The following DPP6 variants were observed in gnomAD, a reference collection of about 807,000 sequenced individuals.
The protein encoded by DPP6 is dipeptidyl peptidase like 6.
A neutral mutation model predicts 122.6 loss-of-function variants in DPP6; 69 were observed. The observed-to-expected ratio is 0.56, with a 90% CI of 0.46 to 0.69. The LOEUF is 0.69. DPP6 is among the 30% of genes least tolerant of loss of function. The pLI is 0.00. For missense variants in DPP6, 928 were observed against 1,116.9 expected (o/e 0.83, Z 2.41); for synonymous variants, 418 against 433.1 (o/e 0.97, Z 0.43).
intron 1 of DPP6, among the ~76,000 whole-genome samples, chr7:154,395,969 A>G (rs551430320): frequency 1.3e-5 from 2 of 150,956 alleles, no homozygotes; most frequent in South Asian, 4.2e-4. Flanking sequence ...TTAATCATAA[A>G]GCGCTGTTGA....
At chr7:154,880,663 TAC>T (rs1381153189) in intron 20 of DPP6, among the ~76,000 whole-genome samples, 1 of 152,216 alleles carries the variant, frequency 6.6e-6, no homozygotes, top group Non-Finnish European at 1.5e-5. Context: ...CTGGAAGTGC[TAC>T]AGAGTTATTG....
intron 1 of DPP6, among the ~76,000 whole-genome samples, chr7:154,235,911 G>A (rs976584154): frequency 1.4e-4 from 21 of 152,120 alleles, no homozygotes; most frequent in African/African-American, 5.1e-4. Flanking sequence ...GGAGTGCGGT[G>A]GTGCAATCTT....
intron 8 of DPP6, among the ~76,000 whole-genome samples, chr7:154,758,103 A>G (rs1304027434): frequency 2.6e-5 from 4 of 152,206 alleles, no homozygotes; most frequent in Admixed American, 2.6e-4. Context: ...TCTTGCAGAC[A>G]TGTTCTTGCC....
At chr7:154,885,493 AACTTTCCAAGTGACAC>A in intron 21 of DPP6, 124 bp from the exon 22 acceptor site, 1 of 1,239,662 alleles carries the variant, frequency 8.1e-7, no homozygotes, top group Non-Finnish European at 1.1e-6. Context: ...CCCCGTGAAC[AACTTTCCAAGTGACAC>A]ATTTTGTAAA....
At chr7:154,580,447 A>T (rs1409438925) in intron 5 of DPP6, among the ~76,000 whole-genome samples, 1 of 152,166 alleles carries the variant, frequency 6.6e-6, no homozygotes, top group Non-Finnish European at 1.5e-5. Flanking sequence ...ATTCCAACAG[A>T]CAAAGACGTG....
At chr7:154,857,568 C>T (rs1802946819) in intron 17 of DPP6, among the ~76,000 whole-genome samples, 1 of 152,214 alleles carries the variant, frequency 6.6e-6, no homozygotes, top group South Asian at 2.1e-4. Context: ...CTTCACAGCC[C>T]ATCTCCAACC....
intron 1 of DPP6, among the ~76,000 whole-genome samples, chr7:153,913,418 C>T (rs1800171864): frequency 6.6e-6 from 1 of 152,196 alleles, no homozygotes; most frequent in African/African-American, 2.4e-5. Context: ...TAAAATCACT[C>T]TTACAACAGA....
At chr7:154,206,528 G>A (rs577987302) in intron 1 of DPP6, among the ~76,000 whole-genome samples, 82 of 152,288 alleles carry the variant, frequency 5.4e-4, no homozygotes, top group Middle Eastern at 3.4e-3. Context: ...CTCTCCCAAC[G>A]TGTCCAAGCC....
At chr7:154,297,298 T>C (rs117732377) in intron 1 of DPP6, among the ~76,000 whole-genome samples, 208 of 152,314 alleles carry the variant, frequency 1.4e-3, no homozygotes, top group Middle Eastern at 0.014. Context: ...ACCTCTCCTG[T>C]TGTGGTACAT....
chr7:154,622,623 G>A (rs150817493), intron 5 of DPP6, among the ~76,000 whole-genome samples: 11 of 152,242 alleles, frequency 7.2e-5, no homozygotes, highest in Non-Finnish European at 8.8e-5. Context: ...AAACATCCCC[G>A]TCTCTTCCTA....
intron 1 of DPP6, among the ~76,000 whole-genome samples, chr7:154,350,232 G>T (rs1810734545): frequency 6.6e-6 from 1 of 152,154 alleles, no homozygotes; most frequent in Non-Finnish European, 1.5e-5. Context: ...GGAGAAGGAA[G>T]CAGGAACAGG....
intron 1 of DPP6, among the ~76,000 whole-genome samples, chr7:154,396,452 T>C (rs1815093686): frequency 6.6e-6 from 1 of 152,194 alleles, no homozygotes; most frequent in South Asian, 2.1e-4. Flanking sequence ...GGGAAATAAG[T>C]ATAATGATCC....
chr7:154,053,876 T>G (rs946944727), intron 1 of DPP6, among the ~76,000 whole-genome samples: 25 of 147,242 alleles, frequency 1.7e-4, no homozygotes, highest in Non-Finnish European at 3.4e-4. Flanking sequence ...CAATGACTCA[T>G]GCAGGACAGG....
At chr7:154,013,628 G>T (rs1441952797) in intron 1 of DPP6, among the ~76,000 whole-genome samples, 2 of 151,596 alleles carry the variant, frequency 1.3e-5, no homozygotes, top group Non-Finnish European at 2.9e-5. Flanking sequence ...TACTTTATGT[G>T]GACAAACCTT....
rs199921550 is a variant in DPP6 at position 154,170,395 on chromosome 7, A to G, written c.243+117332A>G. Among the ~76,000 whole-genome samples, 3 of 152,300 alleles carry G rather than the reference A, an allele frequency of 2.0e-5. No individual in the cohort carries two copies. In the East Asian group the frequency reaches 5.8e-4, roughly 29 times the overall value. On this transcript the variant is annotated intron_variant, in intron 1 of 25. Coordinates refer to ENST00000377770, the MANE Select transcript of DPP6 (RefSeq NM_130797.4). ...TTCCCTCTCCACCTGCACCTTGGAC[A>G]TGATGATTGACACTGTGACTTGCTT... is the stretch of plus-strand genomic sequence containing the variant.
chr7:154,362,987 A>G (rs1207722111), intron 1 of DPP6, among the ~76,000 whole-genome samples: 2 of 152,176 alleles, frequency 1.3e-5, no homozygotes, highest in East Asian at 3.9e-4. Flanking sequence ...GGATTCCCAC[A>G]TGAAAGGCTG....
chr7:154,013,652 C>A (rs570911984), intron 1 of DPP6, among the ~76,000 whole-genome samples: 1 of 151,790 alleles, frequency 6.6e-6, no homozygotes, highest in African/African-American at 2.4e-5. Flanking sequence ...AGGCTGGCCT[C>A]TCTGTAGAAG....
At chr7:154,143,627 C>G (rs1396631491) in intron 1 of DPP6, among the ~76,000 whole-genome samples, 1 of 152,156 alleles carries the variant, frequency 6.6e-6, no homozygotes, top group Non-Finnish European at 1.5e-5. Context: ...CAACTTAGCT[C>G]TATGTTTATT....
At chr7:154,202,171 T>C (rs1799208633) in intron 1 of DPP6, among the ~76,000 whole-genome samples, 1 of 152,186 alleles carries the variant, frequency 6.6e-6, no homozygotes, top group African/African-American at 2.4e-5. Flanking sequence ...CAAATGTCCA[T>C]GGCATGAGTC....
Sources: allele counts gnomAD v4.1 joint callset (sites outside exome capture counted in the v4.1 genomes callset), GRCh38; gene constraint gnomAD v4.1.1; transcripts MANE v1.5; gene names NCBI Gene and HGNC (gene_info 2026-07-23, HGNC 2026-07-21).